PITPNB: variants seen among roughly 807,000 people sequenced by gnomAD.
PITPNB encodes the protein phosphatidylinositol transfer protein beta.
In PITPNB, 16 loss-of-function variants were observed where a neutral mutation model predicts 45.9. The ratio of observed to expected loss-of-function variants is 0.35; its 90% CI spans 0.24 to 0.53. The LOEUF is 0.53. Ranked by LOEUF, PITPNB falls within the 20% of genes least tolerant of loss-of-function variation. The pLI, the probability that PITPNB is intolerant of heterozygous loss-of-function variation, is 0.93. For missense variants in PITPNB, 188 were observed against 330.5 expected (o/e 0.57, Z 3.34); for synonymous variants, 112 against 108.9 (o/e 1.03, Z -0.18).
chr22:27,891,340 A>G (rs1299544148), intron 7 of PITPNB, among the ~76,000 whole-genome samples: 1 of 152,264 alleles, frequency 6.6e-6, no homozygotes, highest in Non-Finnish European at 1.5e-5. Flanking sequence ...ATTAGGAGCT[A>G]TGAACATCAA....
At chr22:27,906,646 A>C (rs1333663039) in intron 3 of PITPNB, among the ~76,000 whole-genome samples, 1 of 152,210 alleles carries the variant, frequency 6.6e-6, no homozygotes, top group South Asian at 2.1e-4. Flanking sequence ...AGGAATGAAT[A>C]AACTCCCACC....
chr22:27,867,728 A>G, intron 8 of PITPNB, among the ~76,000 whole-genome samples: 1 of 152,230 alleles, frequency 6.6e-6, no homozygotes, highest in East Asian at 1.9e-4. Context: ...AGAATCTGCA[A>G]GAAGCTCACA....
intron 6 of PITPNB, among the ~76,000 whole-genome samples, chr22:27,896,161 A>T (rs1415030077): frequency 6.6e-6 from 1 of 152,220 alleles, no homozygotes; most frequent in Non-Finnish European, 1.5e-5. Context: ...ATACCCTTGC[A>T]AAGCAGACAA....
At chr22:27,909,801 G>C (rs1344642567) in intron 3 of PITPNB, among the ~76,000 whole-genome samples, 2 of 152,036 alleles carry the variant, frequency 1.3e-5, no homozygotes, top group Non-Finnish European at 2.9e-5. Flanking sequence ...TATTTTTTGA[G>C]ACAGCGTCCA....
At chr22:27,859,069 G>C (rs1934247024) in intron 9 of PITPNB, among the ~76,000 whole-genome samples, 1 of 152,086 alleles carries the variant, frequency 6.6e-6, no homozygotes, top group Admixed American at 6.6e-5. Flanking sequence ...TTCAATTGAT[G>C]GATTATTTAA....
chr22:27,894,693 C>T, intron 6 of PITPNB, 55 bp from the exon 7 acceptor site: 4 of 991,748 alleles, frequency 4.0e-6, no homozygotes, highest in South Asian at 2.7e-5. Context: ...TTCTATTATG[C>T]TTACACATAT....
intron 7 of PITPNB, among the ~76,000 whole-genome samples, chr22:27,880,627 T>C (rs1355445554): frequency 7.0e-6 from 1 of 142,584 alleles, no homozygotes; most frequent in African/African-American, 2.7e-5. Context: ...TACACACCGA[T>C]TTTTTTTTTT....
At chr22:27,915,293 A>C (rs1170671725) in intron 1 of PITPNB, among the ~76,000 whole-genome samples, 1 of 152,114 alleles carries the variant, frequency 6.6e-6, no homozygotes, top group East Asian at 1.9e-4. Flanking sequence ...AGTTTTCCTC[A>C]TTCCAATTTC....
At chr22:27,872,110 T>TTTTC (rs1491216223) in intron 8 of PITPNB, among the ~76,000 whole-genome samples, 2 of 103,854 alleles carry the variant, frequency 1.9e-5, no homozygotes, top group Non-Finnish European at 3.8e-5. Flanking sequence ...TTTTTTTTTT[T>TTTTC]TGGGACGGAG....
intron 7 of PITPNB, among the ~76,000 whole-genome samples, chr22:27,876,693 G>GT (rs1453791369): frequency 2.0e-5 from 3 of 152,076 alleles, no homozygotes; most frequent in African/African-American, 7.2e-5. Context: ...TGGTCTTGCT[G>GT]TATCTGAAAA....
At chr22:27,856,709 G>T (rs1395290640) in intron 10 of PITPNB, among the ~76,000 whole-genome samples, 2 of 152,212 alleles carry the variant, frequency 1.3e-5, no homozygotes. Flanking sequence ...TGTAGGAAAT[G>T]CCAGTGCTGC....
intron 7 of PITPNB, among the ~76,000 whole-genome samples, chr22:27,887,375 A>C (rs1935151146): frequency 6.6e-6 from 1 of 152,204 alleles, no homozygotes; most frequent in South Asian, 2.1e-4. Flanking sequence ...CCCTGTTTAC[A>C]AAGCAAGAGA....
chr22:27,917,904 A>G (rs546127529), intron 1 of PITPNB, among the ~76,000 whole-genome samples: 129 of 152,326 alleles, frequency 8.5e-4, no homozygotes, highest in African/African-American at 3.0e-3. Flanking sequence ...GTCTTCAGAA[A>G]GGGATTCCCT....
chr22:27,877,909 G>A (rs1014717651), intron 7 of PITPNB, among the ~76,000 whole-genome samples: 1 of 152,160 alleles, frequency 6.6e-6, no homozygotes, highest in Non-Finnish European at 1.5e-5. Flanking sequence ...CAAACCACAA[G>A]CATTAGCAAC....
chr22:27,879,090 G>A (rs894783841), intron 7 of PITPNB, among the ~76,000 whole-genome samples: 3 of 151,964 alleles, frequency 2.0e-5, no homozygotes, highest in Non-Finnish European at 4.4e-5. Context: ...GTCCTGAGAT[G>A]GTGGGGGTGA....
intron 7 of PITPNB, among the ~76,000 whole-genome samples, chr22:27,875,915 G>C (rs1018353997): frequency 2.0e-5 from 3 of 152,144 alleles, no homozygotes; most frequent in African/African-American, 7.2e-5. Flanking sequence ...ACAGAGAATG[G>C]AGACAATTAC....
rs1935437455 is a variant in PITPNB, at chr22:27,896,515, G to A, written c.372+37C>T. ...ACTACATATAGAATTCTCGTTTCCA[G>A]GGACTTTTGTACTAAAAGTGCAGAG... On this transcript the variant is annotated intron_variant, in intron 6 of 11. Coordinates refer to ENST00000335272, the MANE Select transcript of PITPNB (RefSeq NM_012399.5). The A allele has an allele frequency of 5.9e-6, 8 of 1,352,114 alleles. No homozygotes were observed. In the East Asian group the frequency reaches 1.8e-4, roughly 31 times the overall value. The allele number at this position is 1,352,114 out of a possible 1,614,324, so 83.8% of individuals were successfully genotyped here.
intron 7 of PITPNB, among the ~76,000 whole-genome samples, chr22:27,879,179 T>A (rs923441672): frequency 1.3e-5 from 2 of 152,196 alleles, no homozygotes; most frequent in African/African-American, 4.8e-5. Context: ...TTTCTGATCT[T>A]ATCCTTATCC....
chr22:27,859,214 G>C (rs1183968263), intron 9 of PITPNB, among the ~76,000 whole-genome samples: 1 of 152,190 alleles, frequency 6.6e-6, no homozygotes, highest in Admixed American at 6.5e-5. Flanking sequence ...CTATTTATCA[G>C]AACTGGATTG....
Sources: gnomAD v4.1 joint callset for allele counts (sites outside exome capture counted in the v4.1 genomes callset) on GRCh38, gnomAD v4.1.1 for gene constraint, MANE v1.5 for transcripts, NCBI Gene and HGNC (gene_info 2026-07-23, HGNC 2026-07-21) for gene names.